MACROD2: variants seen among roughly 807,000 people sequenced by gnomAD.
MACROD2 encodes mono-ADP ribosylhydrolase 2.
A neutral mutation model predicts 70.4 loss-of-function variants in MACROD2; 36 were observed. That is an observed-to-expected ratio of 0.51 (90% CI 0.39 to 0.68). The LOEUF is 0.68. Ranked by LOEUF, MACROD2 falls within the 30% of genes least tolerant of loss-of-function variation. The pLI is 0.00. For missense variants in MACROD2, 496 were observed against 538.4 expected (o/e 0.92, Z 0.78); for synonymous variants, 172 against 178.8 (o/e 0.96, Z 0.30).
intron 5 of MACROD2, among the ~76,000 whole-genome samples, chr20:14,846,518 C>T (rs2073142532): frequency 1.6e-5 from 2 of 127,570 alleles, no homozygotes; most frequent in African/African-American, 2.7e-5. Flanking sequence ...ATGCACATCA[C>T]CTTTTAATTT....
chr20:15,585,459 G>A (rs2048585984), intron 8 of MACROD2, among the ~76,000 whole-genome samples: 1 of 152,152 alleles, frequency 6.6e-6, no homozygotes, highest in East Asian at 1.9e-4. Flanking sequence ...GCCTCCCAAA[G>A]TGCTGGGATT....
intron 10 of MACROD2, among the ~76,000 whole-genome samples, chr20:15,919,954 A>C (rs1442703027): frequency 6.6e-6 from 1 of 152,230 alleles, no homozygotes; most frequent in Non-Finnish European, 1.5e-5. Context: ...TTTAAATTCA[A>C]CATCAGGAGG....
intron 10 of MACROD2, among the ~76,000 whole-genome samples, chr20:15,931,917 A>T (rs2065584927): frequency 6.6e-6 from 1 of 152,046 alleles, no homozygotes; most frequent in South Asian, 2.1e-4. Context: ...CTTTTGTTTC[A>T]GCTCTGCTAC....
intron 5 of MACROD2, chr20:15,196,854 T>G: frequency 1.0e-6 from 1 of 985,302 alleles, no homozygotes; most frequent in Non-Finnish European, 1.2e-6. Flanking sequence ...ATACCAGATA[T>G]GCCACTATCG....
At chr20:15,772,097 A>ATATATATATAT (rs1305604286) in intron 8 of MACROD2, among the ~76,000 whole-genome samples, 4 of 93,426 alleles carry the variant, frequency 4.3e-5, no homozygotes, top group African/African-American at 1.0e-4. Context: ...AAAAAAAAAA[A>ATATATATATAT]AAAAATATAT....
chr20:15,487,710 C>A (rs1362832729), intron 7 of MACROD2, among the ~76,000 whole-genome samples: 3 of 152,110 alleles, frequency 2.0e-5, no homozygotes, highest in Non-Finnish European at 4.4e-5. Context: ...AGGAAAGATT[C>A]TCCATGCCAA....
rs992411392 is a variant in MACROD2, at chr20:14,715,825, G to A, written c.418+30866G>A. ...AAAGACCCTAAAATTACATTTGGGA[G>A]TCATACAAAGACAATACAGCTCCAA... On this transcript the variant is annotated intron_variant, in intron 5 of 17. Coordinates refer to ENST00000684519, the MANE Select transcript of MACROD2 (RefSeq NM_001351661.2). Among the ~76,000 whole-genome samples, 7 of 152,124 alleles carry A rather than the reference G, an allele frequency of 4.6e-5. 1 individual carries two copies. Among genetic ancestry groups the A allele is most frequent in the Non-Finnish European group, 8.8e-5 (6 of 68,026 alleles).
intron 6 of MACROD2, among the ~76,000 whole-genome samples, chr20:15,293,970 AT>A (rs982022006): frequency 1.3e-5 from 2 of 151,940 alleles, no homozygotes; most frequent in African/African-American, 4.8e-5. Context: ...ATACAAAAAA[AT>A]TAGCTGGGCG....
At chr20:15,399,036 A>G (rs536420940) in intron 6 of MACROD2, among the ~76,000 whole-genome samples, 1 of 152,042 alleles carries the variant, frequency 6.6e-6, no homozygotes, top group Non-Finnish European at 1.5e-5. Context: ...GTCCCTACCA[A>G]TCTCTTCTGC....
intron 8 of MACROD2, among the ~76,000 whole-genome samples, chr20:15,553,239 T>G (rs2048122291): frequency 6.6e-6 from 1 of 152,032 alleles, no homozygotes; most frequent in Admixed American, 6.6e-5. Flanking sequence ...ACATAACCCA[T>G]CCCTCTCCAT....
At chr20:14,561,130 A>G (rs1383613719) in intron 4 of MACROD2, among the ~76,000 whole-genome samples, 1 of 151,840 alleles carries the variant, frequency 6.6e-6, no homozygotes, top group Non-Finnish European at 1.5e-5. Context: ...ATAGAGGTAT[A>G]TGGAGAATTC....
chr20:14,033,467 T>C (rs2053270248), intron 2 of MACROD2, among the ~76,000 whole-genome samples: 1 of 152,084 alleles, frequency 6.6e-6, no homozygotes, highest in African/African-American at 2.4e-5. Context: ...AGAATATTCA[T>C]AGCATTCTAT....
chr20:15,383,720 TATG>T (rs1017507649), intron 6 of MACROD2, among the ~76,000 whole-genome samples: 26 of 152,194 alleles, frequency 1.7e-4, no homozygotes, highest in Admixed American at 2.6e-4. Flanking sequence ...AGAAACAAAA[TATG>T]ATATGTGTTC....
intron 8 of MACROD2, among the ~76,000 whole-genome samples, chr20:15,825,792 G>GA (rs1484212572): frequency 1.3e-5 from 2 of 152,048 alleles, no homozygotes; most frequent in African/African-American, 2.4e-5. Flanking sequence ...CTTGGTGTTG[G>GA]AATATCCTTT....
rs529834334 is a variant in MACROD2, at chr20:15,551,551, A to G, written c.645+51704A>G. Among the ~76,000 whole-genome samples the G allele has an allele frequency of 3.9e-5, 6 of 152,266 alleles. No homozygotes were observed. In the East Asian group the frequency reaches 1.2e-3, roughly 29 times the overall value. ...CTTCAGTTTTACAGATGCGTGCCTT[A>G]CATTTCTACTCACATCATGTTGTTT... is the stretch of plus-strand genomic sequence containing the variant. On this transcript the variant is annotated intron_variant, in intron 8 of 17. Coordinates refer to ENST00000684519, the MANE Select transcript of MACROD2 (RefSeq NM_001351661.2).
intron 8 of MACROD2, among the ~76,000 whole-genome samples, chr20:15,745,980 G>T (rs944646255): frequency 1.3e-5 from 2 of 151,958 alleles, no homozygotes; most frequent in African/African-American, 4.8e-5. Context: ...TTTAGTTTTT[G>T]TTTTTTTGAA....
At chr20:15,315,225 G>A (rs968377392) in intron 6 of MACROD2, among the ~76,000 whole-genome samples, 4 of 152,174 alleles carry the variant, frequency 2.6e-5, no homozygotes, top group African/African-American at 9.6e-5. Context: ...ATATTATCAT[G>A]TGCATGATTG....
chr20:15,914,237 T>C (rs1214199317), intron 10 of MACROD2, among the ~76,000 whole-genome samples: 1 of 152,262 alleles, frequency 6.6e-6, no homozygotes, highest in Non-Finnish European at 1.5e-5. Flanking sequence ...CCTGTGTTTA[T>C]TGGAAAACAG....
chr20:14,281,933 CAAAAA>C (rs571115190), intron 3 of MACROD2, among the ~76,000 whole-genome samples: 1 of 96,576 alleles, frequency 1.0e-5, no homozygotes, highest in Admixed American at 1.3e-4. Flanking sequence ...GACTCCCTCT[CAAAAA>C]AAAAAAAAAA....
Sources: allele counts gnomAD v4.1 joint callset (sites outside exome capture counted in the v4.1 genomes callset), GRCh38; gene constraint gnomAD v4.1.1; transcripts MANE v1.5; gene names NCBI Gene and HGNC (gene_info 2026-07-23, HGNC 2026-07-21).